The following ZSCAN5A variants were observed in gnomAD, a reference collection of about 807,000 sequenced individuals.
The protein encoded by ZSCAN5A is zinc finger and SCAN domain-containing protein 5A.
Under a neutral mutation model 23.7 loss-of-function variants are expected in ZSCAN5A, and 12 were observed. The ratio of observed to expected loss-of-function variants is 0.51; its 90% confidence interval spans 0.32 to 0.82. The LOEUF is 0.82. ZSCAN5A is among the 40% of genes least tolerant of loss of function. The probability of loss-of-function intolerance (pLI) is 0.03; values close to 1 mark genes in which losing one functional copy is unlikely to be tolerated. For missense variants in ZSCAN5A, 597 were observed against 617.9 expected (o/e 0.97, Z 0.36); for synonymous variants, 257 against 239.9 (o/e 1.07, Z -0.66).
chr19:56,222,540 C>T, intron 5 of ZSCAN5A, 51 bp downstream of exon 5: 1 of 1,596,088 alleles, frequency 6.3e-7, no homozygotes, highest in South Asian at 1.1e-5. Context: ...CCCAGCCCCG[C>T]ACCCCAGAAG....
intron 2 of ZSCAN5A, among the ~76,000 whole-genome samples, chr19:56,280,151 CTCT>C (rs1208375256): frequency 2.0e-5 from 3 of 152,048 alleles, no homozygotes; most frequent in Admixed American, 6.5e-5. Context: ...ATTCAAAGTC[CTCT>C]TGTTTCTATT....
intron 2 of ZSCAN5A, among the ~76,000 whole-genome samples, chr19:56,301,373 C>T (rs2040217305): frequency 6.6e-6 from 1 of 152,066 alleles, no homozygotes; most frequent in African/African-American, 2.4e-5. Flanking sequence ...AGTTGCCATG[C>T]CATCTGTGAA....
chr19:56,328,633 CAA>C (rs35621218), intron 2 of ZSCAN5A, among the ~76,000 whole-genome samples: 1 of 139,082 alleles, frequency 7.2e-6, no homozygotes, highest in Non-Finnish European at 1.6e-5. Context: ...GACTCTGACT[CAA>C]AAAAAAAAAA....
rs990353496 is a variant in ZSCAN5A, at chr19:56,355,111, A to G, written c.-358+8124T>C. Among the ~76,000 whole-genome samples the G allele has an allele frequency of 2.0e-5, 3 of 149,860 alleles. 1 individual carries two copies. Among genetic ancestry groups the G allele is most frequent in the African/African-American group, 7.5e-5 (3 of 40,110 alleles). ...CCAACGTGGTTTTTCTATTGAGGAT[A>G]GTAATCATGATGTGGGGCATTTTGT... On this transcript the variant is annotated intron_variant, in intron 2 of 6. Transcript: ENST00000587340.
intron 2 of ZSCAN5A, chr19:56,320,837 C>T (rs949353833): frequency 1.1e-4 from 83 of 778,222 alleles, no homozygotes; most frequent in South Asian, 7.5e-4. Flanking sequence ...ATGCTGTGCC[C>T]CCTCGCTTTC....
chr19:56,254,070 T>C (rs1423626808), intron 2 of ZSCAN5A, among the ~76,000 whole-genome samples: 1 of 151,858 alleles, frequency 6.6e-6, no homozygotes, highest in East Asian at 1.9e-4. Context: ...TTTTTTTTTT[T>C]TTTTAAATAA....
chr19:56,299,393 A>G (rs1217735374), intron 2 of ZSCAN5A, among the ~76,000 whole-genome samples: 2 of 152,048 alleles, frequency 1.3e-5, no homozygotes, highest in Non-Finnish European at 2.9e-5. Flanking sequence ...TCAGATTCCC[A>G]AAGTGCTGGA....
chr19:56,223,903 C>T (rs1199014675), intron 3 of ZSCAN5A, 69 bp from the exon 4 acceptor site: 1 of 1,382,800 alleles, frequency 7.2e-7, no homozygotes, highest in Non-Finnish European at 1.0e-6. Flanking sequence ...TTCCCTGGGT[C>T]CTGCCATAAT....
chr19:56,288,890 A>C (rs865838589), intron 2 of ZSCAN5A, among the ~76,000 whole-genome samples: 18 of 152,330 alleles, frequency 1.2e-4, no homozygotes, highest in South Asian at 2.1e-4. Context: ...CAGAAGAAGA[A>C]AGTAAGTACT....
chr19:56,225,053 T>C lies in ZSCAN5A; in HGVS notation c.-7A>G, dbSNP rs1245439478. 1.3e-6 allele frequency: 2 copies of C among 1,573,578 alleles called. No homozygotes were observed. Among genetic ancestry groups the C allele is most frequent in the East Asian group, 4.5e-5 (2 of 44,448 alleles). ...ATGTGCAATTTGCAGCCATATCTAG[T>C]GGAGAATTTTTTAATCAGTCTCTGA... On this transcript the variant is annotated 5_prime_UTR_variant, in exon 3 of 6. Transcript: ENST00000683990.
intron 2 of ZSCAN5A, among the ~76,000 whole-genome samples, chr19:56,339,222 A>G (rs1367406317): frequency 1.3e-5 from 2 of 152,202 alleles, no homozygotes; most frequent in Admixed American, 6.5e-5. Flanking sequence ...AGCAATATGC[A>G]AAGGAGCAGT....
intron 5 of ZSCAN5A, 43 bp downstream of exon 5, chr19:56,222,548 A>G: frequency 2.5e-6 from 4 of 1,606,150 alleles, no homozygotes; most frequent in Non-Finnish European, 2.5e-6. Context: ...CGCACCCCAG[A>G]AGAGAGGGAC....
At chr19:56,317,139 G>C (rs1273273537), upstream of ZSCAN5A, 1 of 152,224 alleles carries the variant, frequency 6.6e-6, no homozygotes, top group African/African-American at 2.4e-5. Context: ...CCTGGACTAG[G>C]CTTCTTTAAA....
At chr19:56,272,163 G>C (rs1340711425) in intron 2 of ZSCAN5A, among the ~76,000 whole-genome samples, 1 of 152,198 alleles carries the variant, frequency 6.6e-6, no homozygotes, top group Non-Finnish European at 1.5e-5. Context: ...CTTTGGAAAG[G>C]AATATACACA....
At chr19:56,307,589 C>T (rs1444533178) in intron 2 of ZSCAN5A, among the ~76,000 whole-genome samples, 1 of 152,154 alleles carries the variant, frequency 6.6e-6, no homozygotes, top group Non-Finnish European at 1.5e-5. Flanking sequence ...TACCCCGTAT[C>T]TTGCAGTGTT....
intron 2 of ZSCAN5A, chr19:56,247,287 G>A (rs746797565): frequency 9.4e-6 from 3 of 317,494 alleles, no homozygotes; most frequent in Non-Finnish European, 1.8e-5. Context: ...GTCACAAGAG[G>A]AGCCACACGG....
At position 56,222,164 on chromosome 19, in the gene ZSCAN5A, T is replaced by C. The variant is rs764392490; in HGVS notation, c.902A>G (p.Lys301Arg). 5.6e-6 allele frequency: 9 copies of C among 1,614,088 alleles called. No homozygotes were observed. The South Asian group carries it at 9.9e-5, about 18-fold the overall frequency. The change falls in exon 6 of 6, where the codon AAA becomes AGA. Residue 301 changes from lysine (K) to arginine (R), a missense_variant. By Grantham distance (26) the Lys-to-Arg change is conservative. Around this residue, in one of 5 missense-constraint regions of ZSCAN5A, gnomAD observed 406 missense variants for 353.2 expected, o/e 1.15. Transcript: ENST00000683990. ...ALNLSSPKRS[K>R]PDASSISQEE... ...TTGGGAAATGGAGGAGGCATCTGGT[T>C]TGCTTCTTTTGGGACTGCTCAGATT...
chr19:56,223,565 G>A (rs2033539981), intron 4 of ZSCAN5A, 66 bp downstream of exon 4: 17 of 1,540,086 alleles, frequency 1.1e-5, no homozygotes, highest in Middle Eastern at 1.8e-4. Context: ...TCAGTCCAGC[G>A]GCCACACGAT....
intron 2 of ZSCAN5A, among the ~76,000 whole-genome samples, chr19:56,329,284 A>G (rs930586587): frequency 1.6e-4 from 24 of 151,064 alleles, no homozygotes; most frequent in African/African-American, 5.8e-4. Context: ...GGGAGGCAGA[A>G]GTTGCAGTGA....
Sources: gnomAD v4.1 joint callset for allele counts (sites outside exome capture counted in the v4.1 genomes callset) on GRCh38, gnomAD v4.1.1 for gene constraint, gnomAD v4.1.1 regional missense constraint, MANE v1.5 for transcripts, NCBI Gene and HGNC (gene_info 2026-07-23, HGNC 2026-07-21) for gene names.